Variants in TENM3 observed in about 807,000 individuals in gnomAD.
The protein encoded by TENM3 is teneurin-3.
A neutral mutation model predicts 255.1 loss-of-function variants in TENM3; 63 were observed. That is an observed-to-expected ratio of 0.25 (90% confidence interval 0.20 to 0.30). The LOEUF (loss-of-function observed/expected upper bound fraction) is 0.30. TENM3 is among the 10% of genes least tolerant of loss of function. The probability of loss-of-function intolerance (pLI) is 1.00; values close to 1 mark genes in which losing one functional copy is unlikely to be tolerated. For missense variants in TENM3, 2,929 were observed against 3,461.1 expected (o/e 0.85, Z 3.86); for synonymous variants, 1,306 against 1,322.3 (o/e 0.99, Z 0.27).
rs1448531924 is a variant in TENM3 at position 182,621,795 on chromosome 4, T to C, written c.750-6856T>C. Among the ~76,000 whole-genome samples, 11 of 33,466 alleles carry C rather than the reference T, an allele frequency of 3.3e-4. No homozygotes were observed. The East Asian group carries it at 0.013, about 41-fold the overall frequency. 22.0% of individuals were successfully genotyped at this position (33,466 alleles called of 152,430 possible). ...ATATTATATATAATTATATATATAA[T>C]ATATAATATATATATTATATATATA... is the stretch of plus-strand genomic sequence containing the variant. On this transcript the variant is annotated intron_variant, in intron 4 of 27. Coordinates refer to ENST00000511685, the MANE Select transcript of TENM3 (RefSeq NM_001080477.4).
intron 3 of TENM3, among the ~76,000 whole-genome samples, chr4:182,402,618 G>A (rs964664083): frequency 7.9e-5 from 12 of 152,106 alleles, no homozygotes; most frequent in African/African-American, 2.9e-4. Flanking sequence ...TTTTTTAGGA[G>A]GGTCAAGCAG....
the TENM3 span, among the ~76,000 whole-genome samples, chr4:182,100,744 TAC>T: frequency 8.5e-5 from 8 of 94,476 alleles, no homozygotes; most frequent in South Asian, 1.0e-3. Flanking sequence ...CACATATATA[TAC>T]ACACATATAT....
At chr4:182,464,889 G>T (rs971081500) in intron 3 of TENM3, among the ~76,000 whole-genome samples, 6 of 152,066 alleles carry the variant, frequency 3.9e-5, no homozygotes, top group Admixed American at 1.3e-4. Flanking sequence ...CAATTAGAAG[G>T]TTTTTAAATA....
chr4:182,544,323 ATTT>A (rs35639483), intron 3 of TENM3, among the ~76,000 whole-genome samples: 287 of 69,296 alleles, frequency 4.1e-3, no homozygotes, highest in African/African-American at 0.011. Flanking sequence ...AGCATTGTGG[ATTT>A]TTTTTTTTTT....
chr4:182,230,059 A>T (rs1385473589), intron 1 of TENM3, among the ~76,000 whole-genome samples: 1 of 151,344 alleles, frequency 6.6e-6, no homozygotes, highest in Admixed American at 6.6e-5. Context: ...GTAGCCAGAG[A>T]CTCACTGAAC....
the TENM3 span, among the ~76,000 whole-genome samples, chr4:181,904,862 A>AG: frequency 3.3e-5 from 5 of 152,084 alleles, no homozygotes; most frequent in African/African-American, 4.8e-5. Context: ...TGAATCATGG[A>AG]GGGGGTGGGT....
the TENM3 span, among the ~76,000 whole-genome samples, chr4:181,767,251 C>CA: frequency 0.31 from 23,708 of 75,436 alleles, 4,149 homozygotes; most frequent in Non-Finnish European, 0.43. Context: ...GACTCCGTCT[C>CA]AAAAAAAAAA....
the TENM3 span, among the ~76,000 whole-genome samples, chr4:181,527,012 G>C: frequency 6.6e-6 from 1 of 152,114 alleles, no homozygotes; most frequent in Non-Finnish European, 1.5e-5. Context: ...TCCTTGCTCA[G>C]TGACTTAGCC....
At chr4:182,545,239 G>A (rs1020451426) in intron 3 of TENM3, among the ~76,000 whole-genome samples, 2 of 152,180 alleles carry the variant, frequency 1.3e-5, no homozygotes, top group Non-Finnish European at 2.9e-5. Context: ...TACTTGATAT[G>A]TCTGTTTGCG....
the TENM3 span, among the ~76,000 whole-genome samples, chr4:182,134,200 A>C: frequency 2.0e-3 from 310 of 152,340 alleles, no homozygotes; most frequent in African/African-American, 7.0e-3. Context: ...AAGTTTGAAA[A>C]TAAATATTGC....
the TENM3 span, among the ~76,000 whole-genome samples, chr4:181,716,242 AAAG>A: frequency 6.6e-6 from 1 of 152,234 alleles, no homozygotes; most frequent in South Asian, 2.1e-4. Flanking sequence ...AAAGAAGTAA[AAAG>A]AAACCAATTT....
the TENM3 span, among the ~76,000 whole-genome samples, chr4:181,823,598 A>G: frequency 6.6e-6 from 1 of 152,160 alleles, no homozygotes; most frequent in Non-Finnish European, 1.5e-5. Context: ...TAATTTATAT[A>G]TGACTGTAAT....
chr4:181,959,158 A>G, the TENM3 span, among the ~76,000 whole-genome samples: 2 of 152,212 alleles, frequency 1.3e-5, no homozygotes, highest in African/African-American at 2.4e-5. Flanking sequence ...GTTATGATAC[A>G]CTGAACTCAA....
intron 1 of TENM3, among the ~76,000 whole-genome samples, chr4:182,205,802 G>C (rs1348548404): frequency 6.6e-6 from 1 of 152,302 alleles, no homozygotes; most frequent in East Asian, 1.9e-4. Context: ...CATCAGTGGA[G>C]TACATGTGGA....
the TENM3 span, among the ~76,000 whole-genome samples, chr4:181,629,242 A>G: frequency 2.0e-5 from 3 of 152,188 alleles, no homozygotes; most frequent in African/African-American, 7.2e-5. Context: ...TTGGGCTGAG[A>G]CAATGGGATT....
At chr4:182,449,237 C>CGCTCCGGAGCCGGTGGCTCCGCTT (rs758941265) in intron 3 of TENM3, among the ~76,000 whole-genome samples, 59,683 of 149,296 alleles carry the variant, frequency 0.4, 12,207 homozygotes, top group South Asian at 0.45. Context: ...CGGCTCCGCT[C>CGCTCCGGAGCCGGTGGCTCCGCTT]TTCTCCCTTG....
chr4:182,277,115 C>G (rs935891415), intron 1 of TENM3, among the ~76,000 whole-genome samples: 7 of 152,112 alleles, frequency 4.6e-5, no homozygotes, highest in African/African-American at 1.7e-4. Context: ...GAGGTCAGGT[C>G]CTATTACTTG....
At chr4:181,545,856 A>ATATAAG in the TENM3 span, among the ~76,000 whole-genome samples, 15,728 of 152,180 alleles carry the variant, frequency 0.1, 986 homozygotes, top group South Asian at 0.18. Context: ...GAAGAAAGAA[A>ATATAAG]TATATGTTTT....
rs901694942 is a variant in TENM3, at chr4:182,737,010, A to G, written c.3170A>G (p.Tyr1057Cys). 8 of 1,613,760 alleles carry G rather than the reference A, an allele frequency of 5.0e-6. No individual in the cohort carries two copies. In the East Asian group the frequency reaches 8.9e-5, roughly 18 times the overall value. The change falls in exon 17 of 28, where the codon TAT (tyrosine) becomes TGT (cysteine). Residue 1057 changes from tyrosine to cysteine, a missense_variant. By Grantham distance (194) the Tyr-to-Cys change is radical (BLOSUM62 -2). Around this residue, in one of 6 missense-constraint regions of TENM3, gnomAD observed 1,608 missense variants for 1,884.4 expected, o/e 0.85. Coordinates refer to ENST00000511685, the MANE Select transcript of TENM3 (RefSeq NM_001080477.4). ...TTTCCTGCCTCACCAAACTTGGCCT[A>G]TACTTTCATATGGGATAAAACAGAT... ...KWFPASPNLA[Y>C]TFIWDKTDAY...
Sources: gnomAD v4.1 joint callset for allele counts (sites outside exome capture counted in the v4.1 genomes callset) on GRCh38, gnomAD v4.1.1 for gene constraint, gnomAD v4.1.1 regional missense constraint, MANE v1.5 for transcripts, NCBI Gene and HGNC (gene_info 2026-07-23, HGNC 2026-07-21) for gene names.